Variants in RHEX observed in about 807,000 individuals in gnomAD.
The protein encoded by RHEX is regulator of hemoglobinization and erythroid cell expansion protein.
Under a neutral mutation model 20.1 loss-of-function variants are expected in RHEX, and 18 were observed. The observed-to-expected ratio is 0.90, with a 90% CI of 0.62 to 1.33. RHEX has a LOEUF of 1.33. Ranked by LOEUF, RHEX falls within the 40% of genes most tolerant of loss-of-function variation. RHEX has a pLI of 0.00. For synonymous variants in RHEX, 87 were observed against 77.1 expected (o/e 1.13, Z -0.67); for missense variants, 192 against 214.3 (o/e 0.90, Z 0.65).
intron 1 of RHEX, among the ~76,000 whole-genome samples, chr1:206,094,227 C>A (rs1663019713): frequency 6.6e-6 from 1 of 151,830 alleles, no homozygotes; most frequent in Admixed American, 6.6e-5. Flanking sequence ...GAGCAGATGT[C>A]TCTGCTGATT....
chr1:206,055,123 G>A (rs951573714), intron 1 of RHEX, among the ~76,000 whole-genome samples: 1 of 152,034 alleles, frequency 6.6e-6, no homozygotes, highest in East Asian at 2.0e-4. Flanking sequence ...CTATTTTCCA[G>A]GTTTCTACAG....
rs190638825 is a variant in RHEX at position 206,089,724 on chromosome 1, T to C, written c.-96-8009T>C. ...TCTTTAAAATAGTGGTTTGCCATAC[T>C]AGTTTCAGTTTTTTTTTTTCTGTTT... On this transcript the variant is annotated intron_variant, in intron 1 of 5. Coordinates refer to ENST00000331555, the MANE Select transcript of RHEX (RefSeq NM_001007544.4). 3.9e-3 allele frequency among the ~76,000 whole-genome samples: 594 copies of C among 151,844 alleles called. 1 individual carries two copies. Among genetic ancestry groups the C allele is most frequent in the African/African-American group, 0.014 (560 of 41,422 alleles).
chr1:206,097,610 C>G (rs1553287845), intron 1 of RHEX, 123 bp from the exon 2 acceptor site: 1 of 622,114 alleles, frequency 1.6e-6, no homozygotes, highest in Non-Finnish European at 2.8e-6. Context: ...AAAGTGGGGA[C>G]TGAAGCAAGT....
At chr1:206,074,536 G>A (rs1013480081) in intron 1 of RHEX, among the ~76,000 whole-genome samples, 7 of 152,154 alleles carry the variant, frequency 4.6e-5, no homozygotes, top group African/African-American at 1.4e-4. Flanking sequence ...AAAGTGCACA[G>A]TTCCGTGGTT....
intron 1 of RHEX, among the ~76,000 whole-genome samples, chr1:206,075,604 C>CTTT (rs1195410311): frequency 7.6e-5 from 11 of 143,840 alleles, no homozygotes; most frequent in African/African-American, 2.5e-4. Flanking sequence ...ATGCCAAAGT[C>CTTT]TTTTTTTTTT....
At chr1:206,074,738 G>T (rs1042287934) in intron 1 of RHEX, among the ~76,000 whole-genome samples, 1 of 152,150 alleles carries the variant, frequency 6.6e-6, no homozygotes, top group East Asian at 1.9e-4. Context: ...GAACTTTTTG[G>T]GTGCTGACAT....
intron 5 of RHEX, among the ~76,000 whole-genome samples, chr1:206,101,461 T>C (rs890738555): frequency 1.3e-5 from 2 of 152,146 alleles, no homozygotes; most frequent in Non-Finnish European, 2.9e-5. Flanking sequence ...CACACCCCAG[T>C]TGTTGGGCTC....
chr1:206,075,809 C>A (rs1662625327), intron 1 of RHEX, among the ~76,000 whole-genome samples: 2 of 152,078 alleles, frequency 1.3e-5, no homozygotes, highest in East Asian at 3.9e-4. Flanking sequence ...ACCATGTTGG[C>A]TAGGCTGGTT....
chr1:206,055,584 A>T (rs944360199), intron 1 of RHEX, among the ~76,000 whole-genome samples: 1 of 152,288 alleles, frequency 6.6e-6, no homozygotes, highest in Admixed American at 6.5e-5. Context: ...ACACCAGATC[A>T]ATTTAAAGTC....
At chr1:206,065,017 C>CA (rs1405315465) in intron 1 of RHEX, among the ~76,000 whole-genome samples, 2 of 152,080 alleles carry the variant, frequency 1.3e-5, no homozygotes, top group Admixed American at 1.3e-4. Context: ...TGTGTCCACT[C>CA]AGAGTTAAAT....
At chr1:206,080,831 A>C (rs1462796178) in intron 1 of RHEX, among the ~76,000 whole-genome samples, 1 of 152,048 alleles carries the variant, frequency 6.6e-6, no homozygotes, top group Non-Finnish European at 1.5e-5. Flanking sequence ...GAAATAGGGC[A>C]TCACTGTGTC....
intron 1 of RHEX, among the ~76,000 whole-genome samples, chr1:206,054,208 C>G (rs1662138656): frequency 6.7e-6 from 1 of 149,528 alleles, no homozygotes; most frequent in Non-Finnish European, 1.5e-5. Context: ...AATAAACTAA[C>G]TGGTGTTTAA....
chr1:206,086,347 G>GTTT (rs374713458), intron 1 of RHEX, among the ~76,000 whole-genome samples: 6 of 151,018 alleles, frequency 4.0e-5, no homozygotes, highest in African/African-American at 1.5e-4. Context: ...GCATTTTCCT[G>GTTT]TTTTTTTTTC....
chr1:206,063,328 CAA>C (rs1662342819), intron 1 of RHEX, among the ~76,000 whole-genome samples: 1 of 152,086 alleles, frequency 6.6e-6, no homozygotes, highest in Non-Finnish European at 1.5e-5. Context: ...TGGAAAACGG[CAA>C]GTTTCAAGCA....
At chr1:206,083,104 C>A (rs911240036) in intron 1 of RHEX, among the ~76,000 whole-genome samples, 1 of 152,212 alleles carries the variant, frequency 6.6e-6, no homozygotes, top group Non-Finnish European at 1.5e-5. Flanking sequence ...TTGAATACAT[C>A]ACATATAGAT....
At position 206,081,394 on chromosome 1, in the gene RHEX, T is replaced by G. The variant is rs145999648; in HGVS notation, c.-96-16339T>G. Among the ~76,000 whole-genome samples, 60 of 152,274 alleles carry G rather than the reference T, an allele frequency of 3.9e-4. 1 individual carries two copies. Among genetic ancestry groups the G allele is most frequent in the Middle Eastern group, 6.8e-3 (2 of 294 alleles). Reference sequence around the variant, plus strand: ...CATGTAATACACAAAACCATGAGATTTTAGAGCAGAAAGGATGCTGGAAAT... The same window carrying G: ...CATGTAATACACAAAACCATGAGATGTTAGAGCAGAAAGGATGCTGGAAAT... On this transcript the variant is annotated intron_variant, in intron 1 of 5. Coordinates refer to ENST00000331555, the MANE Select transcript of RHEX (RefSeq NM_001007544.4).
At chr1:206,055,842 A>AGACTGT (rs1553282544) in intron 1 of RHEX, among the ~76,000 whole-genome samples, 1 of 152,280 alleles carries the variant, frequency 6.6e-6, no homozygotes, top group African/African-American at 2.4e-5. Context: ...GGCCCTGGCC[A>AGACTGT]AGGCCAGTGG....
intron 1 of RHEX, among the ~76,000 whole-genome samples, chr1:206,059,467 G>A (rs1553283059): frequency 6.6e-6 from 1 of 152,152 alleles, no homozygotes; most frequent in African/African-American, 2.4e-5. Context: ...GTGATCCAAT[G>A]GGTTCCCCCC....
chr1:206,055,171 A>G (rs1553282439), intron 1 of RHEX, among the ~76,000 whole-genome samples: 3 of 152,256 alleles, frequency 2.0e-5, no homozygotes, highest in Admixed American at 6.5e-5. Flanking sequence ...TCTCTGCTAT[A>G]TCCCAAAGTC....
Sources: allele counts gnomAD v4.1 joint callset (sites outside exome capture counted in the v4.1 genomes callset), GRCh38; gene constraint gnomAD v4.1.1; transcripts MANE v1.5; gene names NCBI Gene and HGNC (gene_info 2026-07-23, HGNC 2026-07-21).